The following GALNT13 variants were observed in gnomAD, a reference collection of about 807,000 sequenced individuals.
GALNT13 encodes UDP-GalNAc:polypeptide N-acetylgalactosaminyltransferase 13.
Under a neutral mutation model 64.2 loss-of-function variants are expected in GALNT13, and 28 were observed. The ratio of observed to expected loss-of-function variants is 0.44; its 90% CI spans 0.32 to 0.60. The LOEUF (loss-of-function observed/expected upper bound fraction) is 0.60, where lower values mean the gene tolerates loss of function less well. Ranked by LOEUF, GALNT13 falls within the 20% of genes least tolerant of loss-of-function variation. The pLI, the probability that GALNT13 is intolerant of heterozygous loss-of-function variation, is 0.05. For missense variants in GALNT13, 577 were observed against 669.8 expected (o/e 0.86, Z 1.53); for synonymous variants, 214 against 224.6 (o/e 0.95, Z 0.42).
the GALNT13 span, among the ~76,000 whole-genome samples, chr2:153,863,023 G>C: frequency 3.3e-5 from 5 of 152,186 alleles, no homozygotes; most frequent in South Asian, 8.3e-4. Context: ...TGGCCACATA[G>C]GTGAATTTTA....
the GALNT13 span, among the ~76,000 whole-genome samples, chr2:153,359,815 A>G: frequency 6.6e-6 from 1 of 152,184 alleles, no homozygotes; most frequent in Non-Finnish European, 1.5e-5. Flanking sequence ...AAAAATGTGG[A>G]CAACATGCAA....
chr2:153,938,593 C>T (rs1691115018), intron 2 of GALNT13, among the ~76,000 whole-genome samples: 1 of 152,182 alleles, frequency 6.6e-6, no homozygotes, highest in African/African-American at 2.4e-5. Flanking sequence ...ATGAATACCA[C>T]AGACTGGGTG....
intron 3 of GALNT13, among the ~76,000 whole-genome samples, chr2:154,071,765 C>A (rs888992048): frequency 6.6e-6 from 1 of 151,982 alleles, no homozygotes; most frequent in South Asian, 2.1e-4. Flanking sequence ...ATGTTATAAA[C>A]GAGTGTCCTT....
intron 11 of GALNT13, chr2:154,437,348 C>CT (rs1701030686): frequency 3.9e-6 from 1 of 254,732 alleles, no homozygotes; most frequent in African/African-American, 2.3e-5. Flanking sequence ...CCAAGACTAA[C>CT]TCGTTCAGCT....
At chr2:154,347,520 C>G (rs1696138743) in intron 9 of GALNT13, among the ~76,000 whole-genome samples, 3 of 152,104 alleles carry the variant, frequency 2.0e-5, no homozygotes, top group African/African-American at 7.2e-5. Context: ...TTTGGTCTCT[C>G]CATACCAATA....
intron 2 of GALNT13, among the ~76,000 whole-genome samples, chr2:153,909,941 CAT>C (rs1431695911): frequency 6.6e-6 from 1 of 152,040 alleles, no homozygotes; most frequent in Admixed American, 6.6e-5. Context: ...ATGCTGGCCT[CAT>C]AGAATGAGTT....
At chr2:153,377,813 T>C in the GALNT13 span, among the ~76,000 whole-genome samples, 1 of 152,138 alleles carries the variant, frequency 6.6e-6, no homozygotes, top group Non-Finnish European at 1.5e-5. Flanking sequence ...AAAATGTGCA[T>C]TCACATCCAT....
the GALNT13 span, among the ~76,000 whole-genome samples, chr2:153,269,574 G>T: frequency 6.6e-6 from 1 of 152,022 alleles, no homozygotes; most frequent in Non-Finnish European, 1.5e-5. Flanking sequence ...TTCAACCTCT[G>T]CTTGTTACCG....
At chr2:154,331,120 C>T (rs1210082639) in intron 9 of GALNT13, among the ~76,000 whole-genome samples, 2 of 151,858 alleles carry the variant, frequency 1.3e-5, no homozygotes, top group Non-Finnish European at 2.9e-5. Flanking sequence ...AATATTGTGC[C>T]ATATTATTAA....
chr2:153,181,819 TATATA>T, the GALNT13 span, among the ~76,000 whole-genome samples: 22 of 146,058 alleles, frequency 1.5e-4, no homozygotes, highest in South Asian at 2.1e-3. Flanking sequence ...TAATTATATT[TATATA>T]ATATAACATA....
the GALNT13 span, among the ~76,000 whole-genome samples, chr2:153,181,037 T>TTTTTTTC: frequency 7.0e-6 from 1 of 142,238 alleles, no homozygotes; most frequent in African/African-American, 2.6e-5. Context: ...TTTCTTTTTT[T>TTTTTTTC]TTTTTTTTTT....
the GALNT13 span, among the ~76,000 whole-genome samples, chr2:153,220,398 A>G: frequency 6.6e-6 from 1 of 152,256 alleles, no homozygotes; most frequent in Non-Finnish European, 1.5e-5. Context: ...ATGTGCATTA[A>G]GAGGCAAAAT....
intron 4 of GALNT13, among the ~76,000 whole-genome samples, chr2:154,225,576 A>G (rs143688719): frequency 6.4e-4 from 98 of 152,292 alleles, no homozygotes; most frequent in African/African-American, 2.2e-3. Context: ...AGTTATCAAT[A>G]GATGACGTAG....
intron 9 of GALNT13, among the ~76,000 whole-genome samples, chr2:154,305,206 A>C (rs897589518): frequency 1.3e-5 from 2 of 152,200 alleles, no homozygotes; most frequent in African/African-American, 4.8e-5. Context: ...ATTTAAAATC[A>C]AAATCATACA....
the GALNT13 span, among the ~76,000 whole-genome samples, chr2:153,727,866 G>A: frequency 6.6e-6 from 1 of 152,062 alleles, no homozygotes; most frequent in Non-Finnish European, 1.5e-5. Context: ...GTATGCATTA[G>A]GTATTTGTCC....
chr2:154,315,348 A>C (rs1694263382), intron 9 of GALNT13, among the ~76,000 whole-genome samples: 1 of 152,212 alleles, frequency 6.6e-6, no homozygotes, highest in African/African-American at 2.4e-5. Context: ...TCAATAGGGA[A>C]GAATGCTAGA....
intron 3 of GALNT13, among the ~76,000 whole-genome samples, chr2:154,059,772 G>A (rs1236646130): frequency 6.6e-6 from 1 of 151,838 alleles, no homozygotes; most frequent in Non-Finnish European, 1.5e-5. Flanking sequence ...CTTCTTATTA[G>A]CATTATGTAC....
At chr2:153,429,427 A>T in the GALNT13 span, among the ~76,000 whole-genome samples, 1 of 152,198 alleles carries the variant, frequency 6.6e-6, no homozygotes, top group Non-Finnish European at 1.5e-5. Context: ...ACTTTAAAGA[A>T]TTTTAATGTT....
the GALNT13 span, among the ~76,000 whole-genome samples, chr2:153,671,363 C>A: frequency 1.3e-5 from 2 of 152,160 alleles, no homozygotes; most frequent in African/African-American, 4.8e-5. Flanking sequence ...TCTGCAGAAA[C>A]CTTACAAGCC....
Sources: allele counts gnomAD v4.1 joint callset (sites outside exome capture counted in the v4.1 genomes callset), GRCh38; gene constraint gnomAD v4.1.1; transcripts MANE v1.5; gene names NCBI Gene and HGNC (gene_info 2026-07-23, HGNC 2026-07-21).